Variants in COL23A1 observed in about 807,000 individuals in gnomAD.
COL23A1 encodes collagen alpha-1(XXIII) chain.
A neutral mutation model predicts 99.3 loss-of-function variants in COL23A1; 97 were observed. The ratio of observed to expected loss-of-function variants is 0.98; its 90% confidence interval spans 0.83 to 1.16. COL23A1 has a LOEUF of 1.16. Among genes scored for constraint, COL23A1 ranks in the 50% most tolerant of loss-of-function variants. The pLI is 0.00. For synonymous variants in COL23A1, 320 were observed against 308.2 expected (o/e 1.04, Z -0.40); for missense variants, 762 against 757.4 (o/e 1.01, Z -0.07).
intron 2 of COL23A1, among the ~76,000 whole-genome samples, chr5:178,318,439 G>C (rs565422562): frequency 6.6e-6 from 1 of 152,348 alleles, no homozygotes; most frequent in African/African-American, 2.4e-5. Context: ...CAGCTGAAGG[G>C]AGGACTGAGC....
At position 178,389,580 on chromosome 5, in the gene COL23A1, T is replaced by A. The variant is rs186819543; in HGVS notation, c.362-82661A>T. ...CACTAATTCAATGAGTTATCTCTTG[T>A]TTTGCTGGACTTCCCTCCACCCCCA... On this transcript the variant is annotated intron_variant, in intron 2 of 28. Transcript: ENST00000390654. Among the ~76,000 whole-genome samples, 17 of 152,284 alleles carry A rather than the reference T, an allele frequency of 1.1e-4. No homozygotes were observed. The East Asian group carries it at 2.3e-3, about 21-fold the overall frequency.
chr5:178,522,681 C>T (rs545747175), intron 2 of COL23A1, among the ~76,000 whole-genome samples: 18 of 152,250 alleles, frequency 1.2e-4, no homozygotes, highest in African/African-American at 3.9e-4. Flanking sequence ...ACGATAGACG[C>T]GCTGTCTGTG....
intron 2 of COL23A1, among the ~76,000 whole-genome samples, chr5:178,470,545 C>T (rs1177480251): frequency 6.6e-6 from 1 of 152,094 alleles, no homozygotes; most frequent in East Asian, 1.9e-4. Context: ...CTGGGAAGGT[C>T]TAAATCTAAG....
chr5:178,337,722 G>A (rs570766457), intron 2 of COL23A1, among the ~76,000 whole-genome samples: 1 of 152,086 alleles, frequency 6.6e-6, no homozygotes, highest in South Asian at 2.1e-4. Context: ...GACTGAGGCT[G>A]CTCCACAGAC....
In COL23A1 at chr5:178,309,890, AC is replaced by A. The variant is rs1213311338; in HGVS notation, c.362-2972del. ...CATCTCAGGCAGCTCTGTGTCCCCAACTCCCACTGCAGGACACGACCAAGTG... is the reference window on the plus strand; with the variant it reads ...CATCTCAGGCAGCTCTGTGTCCCCAATCCCACTGCAGGACACGACCAAGTG... On this transcript the variant is annotated intron_variant, in intron 2 of 28. Transcript: ENST00000390654. This position sits in a 1 kb window ranked among gnomAD's most constrained non-coding sequence, Gnocchi z 4.7. 1.3e-5 allele frequency among the ~76,000 whole-genome samples: 2 copies of A among 148,548 alleles called. No individual in the cohort carries two copies. Among genetic ancestry groups the A allele is most frequent in the Admixed American group, 1.3e-4 (2 of 14,886 alleles).
At chr5:178,492,365 A>C (rs1757976661) in intron 2 of COL23A1, among the ~76,000 whole-genome samples, 1 of 152,128 alleles carries the variant, frequency 6.6e-6, no homozygotes. Flanking sequence ...AGAGAATGTT[A>C]GGACTCAGAC....
intron 1 of COL23A1, among the ~76,000 whole-genome samples, chr5:178,584,308 C>CACA (rs1763809620): frequency 6.9e-6 from 1 of 145,036 alleles, no homozygotes; most frequent in Non-Finnish European, 1.5e-5. Context: ...CTGCACCTGG[C>CACA]CACACACACA....
intron 2 of COL23A1, among the ~76,000 whole-genome samples, chr5:178,520,594 C>T (rs753737048): frequency 1.8e-4 from 28 of 152,150 alleles, no homozygotes; most frequent in Non-Finnish European, 3.7e-4. Flanking sequence ...AGGAGGGGAG[C>T]ACATGTGTTC....
intron 2 of COL23A1, among the ~76,000 whole-genome samples, chr5:178,526,858 G>T (rs891786609): frequency 2.0e-5 from 3 of 152,174 alleles, no homozygotes; most frequent in African/African-American, 7.2e-5. Context: ...TGAGTCCATC[G>T]CACGCTCCTG....
chr5:178,376,086 C>CA (rs1181954418), intron 2 of COL23A1, among the ~76,000 whole-genome samples: 2 of 152,196 alleles, frequency 1.3e-5, no homozygotes, highest in African/African-American at 4.8e-5. Context: ...CCTCCCTACT[C>CA]TATTTAATAT....
chr5:178,375,474 C>A (rs74504302), intron 2 of COL23A1, among the ~76,000 whole-genome samples: 5,237 of 152,330 alleles, frequency 0.034, 109 homozygotes, highest in South Asian at 0.071. Context: ...CTCTCGGAAC[C>A]CTGCAATGAC....
chr5:178,553,715 G>GC, intron 2 of COL23A1, among the ~76,000 whole-genome samples: 1 of 152,310 alleles, frequency 6.6e-6, no homozygotes, highest in Middle Eastern at 3.4e-3. Context: ...AGGGTTCACG[G>GC]CCACACACTT....
At chr5:178,282,160 G>T (rs999822544) in intron 5 of COL23A1, among the ~76,000 whole-genome samples, 2 of 151,966 alleles carry the variant, frequency 1.3e-5, no homozygotes, top group African/African-American at 4.8e-5. Flanking sequence ...ATACAGAACT[G>T]GACATTTCAT....
chr5:178,270,421 T>A (rs148992915), intron 5 of COL23A1, 58 bp from the exon 6 acceptor site: 628 of 1,595,824 alleles, frequency 3.9e-4, no homozygotes, highest in Non-Finnish European at 3.9e-4. Flanking sequence ...TTCCTCCATG[T>A]CTTATGACCC....
At chr5:178,568,051 C>G (rs1240317624) in intron 1 of COL23A1, among the ~76,000 whole-genome samples, 2 of 152,220 alleles carry the variant, frequency 1.3e-5, no homozygotes, top group East Asian at 3.8e-4. Context: ...TCATGCTGGC[C>G]CCATGGGCCC....
At chr5:178,367,282 G>A (rs1353466181) in intron 2 of COL23A1, among the ~76,000 whole-genome samples, 1 of 152,140 alleles carries the variant, frequency 6.6e-6, no homozygotes, top group Non-Finnish European at 1.5e-5. Context: ...AAGCTGACGG[G>A]AGCTCCACGT....
At chr5:178,492,369 C>T (rs1030876842) in intron 2 of COL23A1, among the ~76,000 whole-genome samples, 1 of 152,060 alleles carries the variant, frequency 6.6e-6, no homozygotes, top group Admixed American at 6.6e-5. Flanking sequence ...AATGTTAGGA[C>T]TCAGACACAC....
At chr5:178,450,560 G>C (rs1322253534) in intron 2 of COL23A1, among the ~76,000 whole-genome samples, 1 of 152,196 alleles carries the variant, frequency 6.6e-6, no homozygotes, top group African/African-American at 2.4e-5. Context: ...ACCGGTGTCT[G>C]TGCTGTTACG....
intron 2 of COL23A1, among the ~76,000 whole-genome samples, chr5:178,527,878 A>G (rs972692328): frequency 6.6e-6 from 1 of 152,354 alleles, no homozygotes; most frequent in African/African-American, 2.4e-5. Context: ...AAATGCCAAG[A>G]TAAAACCTTT....
Sources: allele counts gnomAD v4.1 joint callset (sites outside exome capture counted in the v4.1 genomes callset), GRCh38; gene constraint gnomAD v4.1.1; non-coding constraint Gnocchi (gnomAD v3.1); transcripts MANE v1.5; gene names NCBI Gene and HGNC (gene_info 2026-07-23, HGNC 2026-07-21).